The following MACROD2 variants were observed in gnomAD, a reference collection of about 807,000 sequenced individuals.
The protein encoded by MACROD2 is mono-ADP ribosylhydrolase 2.
Under a neutral mutation model 70.4 loss-of-function variants are expected in MACROD2, and 36 were observed. That is an observed-to-expected ratio of 0.51 (90% CI 0.39 to 0.68). The LOEUF is 0.68. Ranked by LOEUF, MACROD2 falls within the 30% of genes least tolerant of loss-of-function variation. The pLI is 0.00. For missense variants in MACROD2, 496 were observed against 538.4 expected (o/e 0.92, Z 0.78); for synonymous variants, 172 against 178.8 (o/e 0.96, Z 0.30).
chr20:16,036,604 G>A (rs2067240027), intron 15 of MACROD2, among the ~76,000 whole-genome samples: 1 of 151,998 alleles, frequency 6.6e-6, no homozygotes, highest in African/African-American at 2.4e-5. Flanking sequence ...CAGGCAAACT[G>A]TAATAAATAG....
At chr20:15,968,795 GCGTATA>G (rs1161067960) in intron 13 of MACROD2, among the ~76,000 whole-genome samples, 29 of 69,766 alleles carry the variant, frequency 4.2e-4, no homozygotes, top group African/African-American at 1.4e-3. Flanking sequence ...TATATATTAT[GCGTATA>G]TATATATATA....
chr20:15,565,993 C>T (rs1330680108), intron 8 of MACROD2, among the ~76,000 whole-genome samples: 3 of 152,096 alleles, frequency 2.0e-5, no homozygotes, highest in South Asian at 2.1e-4. Context: ...TGAAATAAAA[C>T]GACTCAGGCA....
chr20:15,175,073 A>G (rs1294576413), intron 5 of MACROD2, among the ~76,000 whole-genome samples: 2 of 152,070 alleles, frequency 1.3e-5, no homozygotes, highest in African/African-American at 2.4e-5. Flanking sequence ...TGTGGCACAT[A>G]TACACCATGG....
intron 8 of MACROD2, among the ~76,000 whole-genome samples, chr20:15,814,666 T>A (rs2063854797): frequency 6.6e-6 from 1 of 152,254 alleles, no homozygotes; most frequent in Admixed American, 6.5e-5. Flanking sequence ...CAGTTTGTCC[T>A]TGGACTCCAT....
At chr20:15,885,907 T>TTTC in intron 10 of MACROD2, 96 bp downstream of exon 10, 4 of 1,280,398 alleles carry the variant, frequency 3.1e-6, no homozygotes, top group Non-Finnish European at 4.2e-6. Context: ...CAAAATAAGA[T>TTTC]TAATAAAATA....
At chr20:14,420,000 A>T (rs1239199001) in intron 3 of MACROD2, among the ~76,000 whole-genome samples, 1 of 152,054 alleles carries the variant, frequency 6.6e-6, no homozygotes, top group Non-Finnish European at 1.5e-5. Flanking sequence ...TATAATGCAC[A>T]TTCTTGTGTG....
chr20:14,576,110 T>A (rs780171901), intron 4 of MACROD2, among the ~76,000 whole-genome samples: 7 of 152,180 alleles, frequency 4.6e-5, no homozygotes, highest in African/African-American at 7.2e-5. Context: ...GGTACCAGCA[T>A]GCTAGTTTCT....
chr20:14,911,902 T>C (rs1005053130), intron 5 of MACROD2, among the ~76,000 whole-genome samples: 1 of 152,120 alleles, frequency 6.6e-6, no homozygotes, highest in Non-Finnish European at 1.5e-5. Flanking sequence ...GAAATTACAT[T>C]GCAAGCAAAT....
At chr20:14,190,039 A>C (rs922384422) in intron 3 of MACROD2, among the ~76,000 whole-genome samples, 2 of 152,186 alleles carry the variant, frequency 1.3e-5, no homozygotes, top group African/African-American at 4.8e-5. Flanking sequence ...GTATATCTCT[A>C]AAACTTCCAT....
chr20:14,247,113 C>T (rs2081973895), intron 3 of MACROD2, among the ~76,000 whole-genome samples: 5 of 152,054 alleles, frequency 3.3e-5, no homozygotes, highest in Admixed American at 3.3e-4. Flanking sequence ...TAACTTTGGC[C>T]TCCAGATTAT....
chr20:14,108,534 A>G (rs757693760), intron 3 of MACROD2, among the ~76,000 whole-genome samples: 23 of 152,042 alleles, frequency 1.5e-4, no homozygotes, highest in African/African-American at 4.3e-4. Flanking sequence ...CATTTCACCT[A>G]TCAAGACACA....
chr20:15,979,341 C>T lies in MACROD2; in HGVS notation c.986-7386C>T, dbSNP rs140296234. Among the ~76,000 whole-genome samples the T allele has an allele frequency of 2.7e-3, 418 of 152,198 alleles. 1 individual carries two copies. Among genetic ancestry groups the T allele is most frequent in the Admixed American group, 9.2e-3 (140 of 15,294 alleles). ...CAACATACAATGGATCTTAAGGCTT[C>T]TGCTTGGTTGCAGTACACATGATGT... is the stretch of plus-strand genomic sequence containing the variant. On this transcript the variant is annotated intron_variant, in intron 13 of 17. Transcript: ENST00000684519.
chr20:14,599,775 G>GGAACA (rs1418368253), intron 4 of MACROD2, among the ~76,000 whole-genome samples: 3 of 152,120 alleles, frequency 2.0e-5, no homozygotes, highest in African/African-American at 7.2e-5. Flanking sequence ...TGGGAAGGTG[G>GGAACA]GAACAGATGC....
chr20:14,687,506 T>A (rs2071016344), intron 5 of MACROD2, among the ~76,000 whole-genome samples: 1 of 152,182 alleles, frequency 6.6e-6, no homozygotes, highest in Non-Finnish European at 1.5e-5. Flanking sequence ...ATACCAGTGC[T>A]TGAAGAATTC....
At chr20:14,637,477 A>T (rs1046440865) in intron 4 of MACROD2, among the ~76,000 whole-genome samples, 1 of 152,210 alleles carries the variant, frequency 6.6e-6, no homozygotes, top group Non-Finnish European at 1.5e-5. Context: ...ATTACAATGA[A>T]TGCTAAATGA....
At chr20:15,856,699 CAT>C (rs1368449243) in intron 8 of MACROD2, among the ~76,000 whole-genome samples, 1 of 152,160 alleles carries the variant, frequency 6.6e-6, no homozygotes, top group African/African-American at 2.4e-5. Flanking sequence ...CAGTTTAAGA[CAT>C]AAAGTGAACT....
chr20:14,273,904 A>T (rs1209489460), intron 3 of MACROD2, among the ~76,000 whole-genome samples: 2 of 152,180 alleles, frequency 1.3e-5, no homozygotes, highest in African/African-American at 2.4e-5. Flanking sequence ...GAAGAAATGG[A>T]TAAATTCCTC....
intron 1 of MACROD2, among the ~76,000 whole-genome samples, chr20:13,998,915 A>G (rs1193675429): frequency 6.6e-6 from 1 of 150,890 alleles, no homozygotes; most frequent in Non-Finnish European, 1.5e-5. Flanking sequence ...AGATCGCGCC[A>G]CTGCACTACA....
At chr20:14,863,482 A>G (rs906586073) in intron 5 of MACROD2, among the ~76,000 whole-genome samples, 8 of 152,134 alleles carry the variant, frequency 5.3e-5, no homozygotes, top group African/African-American at 1.9e-4. Flanking sequence ...TTAACTTAAA[A>G]ACATGTATCA....
Sources: allele counts gnomAD v4.1 joint callset (sites outside exome capture counted in the v4.1 genomes callset), GRCh38; gene constraint gnomAD v4.1.1; transcripts MANE v1.5; gene names NCBI Gene and HGNC (gene_info 2026-07-23, HGNC 2026-07-21).